Variants in MYCBP2 observed in about 807,000 individuals in gnomAD.
The protein encoded by MYCBP2 is E3 ubiquitin-protein ligase MYCBP2.
Under a neutral mutation model 525.3 loss-of-function variants are expected in MYCBP2, and 120 were observed. The ratio of observed to expected loss-of-function variants is 0.23; its 90% CI spans 0.20 to 0.27. The LOEUF (loss-of-function observed/expected upper bound fraction) is 0.27. Ranked by LOEUF, MYCBP2 falls within the 10% of genes least tolerant of loss-of-function variation. The pLI is 1.00. For missense variants in MYCBP2, 4,149 were observed against 5,657.1 expected (o/e 0.73, Z 8.55); for synonymous variants, 1,894 against 1,955.8 (o/e 0.97, Z 0.83).
chr13:77,077,086 T>TA (rs2042450486), intron 67 of MYCBP2, 62 bp downstream of exon 67: 2 of 1,545,886 alleles, frequency 1.3e-6, no homozygotes, highest in Non-Finnish European at 1.7e-6. Context: ...AATATTTTGT[T>TA]ACACTCTTAA....
intron 55 of MYCBP2, among the ~76,000 whole-genome samples, chr13:77,103,483 A>G (rs182085393): frequency 3.9e-5 from 6 of 152,210 alleles, no homozygotes; most frequent in Non-Finnish European, 7.4e-5. Flanking sequence ...CTAAAACTGA[A>G]AACAAAGGTC....
chr13:77,238,258 A>T (rs988093509), intron 17 of MYCBP2, among the ~76,000 whole-genome samples: 1 of 151,294 alleles, frequency 6.6e-6, no homozygotes, highest in South Asian at 2.1e-4. Context: ...AAAAAAAAAA[A>T]AAAAAAAAAG....
Position 77,176,544 on chromosome 13 carries a change from G to A in MYCBP2, c.5425C>T (p.Pro1809Ser), listed in dbSNP as rs1566817259. Reference sequence around the variant, plus strand: ...AGTCTGATCTCAGCTATATCACTGGGTGAGTCATCCGTTGTGTACGTTCCT... The same window carrying A: ...AGTCTGATCTCAGCTATATCACTGGATGAGTCATCCGTTGTGTACGTTCCT... The part of the protein sequence containing the change: ...VKGTYTTDDS[P>S]SDIAEIRLDK... The change falls in exon 36 of 83, where the codon CCC becomes TCC. Residue 1809 changes from proline to serine, a missense_variant. Around this residue, in one of 21 missense-constraint regions of MYCBP2, gnomAD observed 109 missense variants for 118.9 expected, o/e 0.92. Transcript: ENST00000544440. The A allele has an allele frequency of 3.8e-6, 6 of 1,599,006 alleles. No individual in the cohort carries two copies. The highest frequency in any genetic ancestry group is 5.1e-6 in the Non-Finnish European group (6 of 1,170,274).
intron 18 of MYCBP2, 67 bp from the exon 19 acceptor site, chr13:77,225,621 C>A: frequency 1.9e-6 from 3 of 1,580,496 alleles, no homozygotes; most frequent in South Asian, 2.3e-5. Context: ...AAATTTAAAT[C>A]AGTTTATTAT....
chr13:77,270,721 G>T (rs1046382243), intron 5 of MYCBP2, among the ~76,000 whole-genome samples, 183 bp from the exon 6 acceptor site: 18 of 152,208 alleles, frequency 1.2e-4, no homozygotes, highest in African/African-American at 4.1e-4. Context: ...AAGCAAGGTA[G>T]ACTTCCTTAC....
rs566611609 is a variant in MYCBP2 at position 77,309,576 on chromosome 13, G to A, written c.303-12902C>T. On this transcript the variant is annotated intron_variant, in intron 1 of 82. Coordinates refer to ENST00000544440, the MANE Select transcript of MYCBP2 (RefSeq NM_015057.5). ...CTAGCTCTTCCTCCCTTTCTATCTA[G>A]ATGAAAATCATTATTATATTTGCAC... 4.6e-5 allele frequency among the ~76,000 whole-genome samples: 7 copies of A among 152,248 alleles called. No individual in the cohort carries two copies. The South Asian group carries it at 1.5e-3, about 32-fold the overall frequency.
intron 68 of MYCBP2, among the ~76,000 whole-genome samples, chr13:77,075,071 G>A (rs1428292048): frequency 3.3e-5 from 5 of 152,148 alleles, no homozygotes; most frequent in Admixed American, 2.6e-4. Flanking sequence ...AGCTGGGCAC[G>A]GTGACGTGCA....
At chr13:77,128,267 T>C (rs1235999530) in intron 52 of MYCBP2, among the ~76,000 whole-genome samples, 9 of 151,864 alleles carry the variant, frequency 5.9e-5, no homozygotes, top group African/African-American at 1.7e-4. Flanking sequence ...AATAAATAAA[T>C]ACATCATGCC....
At chr13:77,206,920 A>G (rs1480022268) in intron 23 of MYCBP2, 95 bp from the exon 24 acceptor site, 26 of 1,114,484 alleles carry the variant, frequency 2.3e-5, no homozygotes, top group Non-Finnish European at 2.9e-5. Context: ...AGAATAAATA[A>G]TATAGTCAGC....
chr13:77,185,505 A>G lies in MYCBP2; in HGVS notation c.4445-128T>C. On this transcript the variant is annotated intron_variant, in intron 31 of 82. Coordinates refer to ENST00000544440, the MANE Select transcript of MYCBP2 (RefSeq NM_015057.5). Reference sequence around the variant, plus strand: ...GTACTAATATCTTAGAAATGAAACAACTTAGAGATTAAGTGTAGTCCCAAT... The same window carrying G: ...GTACTAATATCTTAGAAATGAAACAGCTTAGAGATTAAGTGTAGTCCCAAT... 4 of 1,036,966 alleles carry G rather than the reference A, an allele frequency of 3.9e-6. No individual in the cohort carries two copies. In the South Asian group the frequency reaches 7.3e-5, roughly 19 times the overall value. The allele number at this position is 1,036,966 out of a possible 1,614,324, so 64.2% of individuals were successfully genotyped here. A position where few individuals can be genotyped will look rare whatever the true frequency, so the allele number is the denominator to read the frequency against.
chr13:77,125,370 G>C lies in MYCBP2; in HGVS notation c.7983C>G (p.Asp2661Glu), dbSNP rs763703970. 1 of 1,613,982 alleles carries C rather than the reference G, an allele frequency of 6.2e-7. No individual in the cohort carries two copies. The highest frequency in any genetic ancestry group is 8.5e-7 in the Non-Finnish European group (1 of 1,179,868). ...DEGEAWSLAR[D>E]RGGNQYLRHE... is the part of the protein sequence containing the mutation. ...GTCGGAGGTACTGGTTTCCGCCTCTGTCTCTAGCTAAGGACCATGCCTCTC... is the reference window on the plus strand; with the variant it reads ...GTCGGAGGTACTGGTTTCCGCCTCTCTCTCTAGCTAAGGACCATGCCTCTC... The change falls in exon 54 of 83, where the codon GAC becomes GAG. Residue 2661 changes from aspartate (D) to glutamate (E), a missense_variant. Physicochemically the swap from Asp to Glu is conservative, Grantham distance 45 (BLOSUM62 2). This residue lies in a region of MYCBP2 where 653 missense variants were observed against 744.7 expected (regional missense o/e 0.88). Coordinates refer to ENST00000544440, the MANE Select transcript of MYCBP2 (RefSeq NM_015057.5).
At chr13:77,082,976 ATATT>A in intron 63 of MYCBP2, 52 bp downstream of exon 63, 1 of 1,498,582 alleles carries the variant, frequency 6.7e-7, no homozygotes, top group Admixed American at 2.1e-5. Context: ...CATACTTTGA[ATATT>A]CCATAAACTC....
rs549748460 is a variant in MYCBP2 at position 77,062,883 on chromosome 13, C to T, written c.12673-186G>A. Among the ~76,000 whole-genome samples, 32 of 152,310 alleles carry T rather than the reference C, an allele frequency of 2.1e-4. No homozygotes were observed. The East Asian group carries it at 3.5e-3, about 17-fold the overall frequency. Reference sequence around the variant, plus strand: ...CGATCACTGTCCTATGTGCCATGCACACAGGAGGCACTCAGATATCTACTG... The same window carrying T: ...CGATCACTGTCCTATGTGCCATGCATACAGGAGGCACTCAGATATCTACTG... On this transcript the variant is annotated intron_variant, in intron 73 of 82. Coordinates refer to ENST00000544440, the MANE Select transcript of MYCBP2 (RefSeq NM_015057.5).
At chr13:77,101,048 C>A (rs1390973564) in intron 55 of MYCBP2, among the ~76,000 whole-genome samples, 1 of 151,940 alleles carries the variant, frequency 6.6e-6, no homozygotes. Context: ...TAGTCATGGC[C>A]ATTAATTTTG....
At chr13:77,189,252 C>T (rs2061055267) in intron 29 of MYCBP2, among the ~76,000 whole-genome samples, 1 of 152,020 alleles carries the variant, frequency 6.6e-6, no homozygotes, top group African/African-American at 2.4e-5. Flanking sequence ...TAAATCCTAC[C>T]TTCGCAAGAC....
chr13:77,195,643 G>A (rs938151549), intron 26 of MYCBP2, among the ~76,000 whole-genome samples: 2 of 151,974 alleles, frequency 1.3e-5, no homozygotes, highest in Non-Finnish European at 2.9e-5. Flanking sequence ...TGCCATTACT[G>A]TATCTATTCT....
At chr13:77,085,589 CTTTGAA>C (rs1464014026) in intron 62 of MYCBP2, among the ~76,000 whole-genome samples, 2 of 152,140 alleles carry the variant, frequency 1.3e-5, no homozygotes, top group Non-Finnish European at 2.9e-5. Context: ...ATTTCTCAGT[CTTTGAA>C]TTTGACCGGC....
intron 49 of MYCBP2, among the ~76,000 whole-genome samples, chr13:77,142,149 T>A (rs12322978): frequency 1.3e-5 from 2 of 152,220 alleles, no homozygotes; most frequent in African/African-American, 4.8e-5. Context: ...ATTTTCACAA[T>A]GTCATTCTTG....
At chr13:77,171,325 C>T (rs529572917) in intron 38 of MYCBP2, among the ~76,000 whole-genome samples, 167 bp downstream of exon 38, 1 of 152,262 alleles carries the variant, frequency 6.6e-6, no homozygotes, top group Admixed American at 6.5e-5. Flanking sequence ...TTCTGCATTA[C>T]AGTATGGAGA....
Sources: gnomAD v4.1 joint callset for allele counts (sites outside exome capture counted in the v4.1 genomes callset) on GRCh38, gnomAD v4.1.1 for gene constraint, gnomAD v4.1.1 regional missense constraint, MANE v1.5 for transcripts, NCBI Gene and HGNC (gene_info 2026-07-23, HGNC 2026-07-21) for gene names.